OVCH1: variants seen among roughly 807,000 people sequenced by gnomAD.
The protein encoded by OVCH1 is ovochymase 1.
A neutral mutation model predicts 138.4 loss-of-function variants in OVCH1; 139 were observed. The observed-to-expected ratio is 1.00, with a 90% CI of 0.87 to 1.16. The LOEUF (loss-of-function observed/expected upper bound fraction) is 1.16. OVCH1 is among the 50% of genes most tolerant of loss of function. OVCH1 has a pLI of 0.00. For missense variants in OVCH1, 1,367 were observed against 1,357.9 expected, an observed-to-expected ratio of 1.01 and a Z score of -0.11; for synonymous variants, 453 against 467.8, an observed-to-expected ratio of 0.97 and a Z score of 0.41.
chr12:29,495,270 A>G lies in OVCH1; in HGVS notation c.454+15T>C. ...CCTCCACTGCATTTTTAATATTCTAACTCTCCATACTCACCAAACTTGACT... is the reference window on the plus strand; with the variant it reads ...CCTCCACTGCATTTTTAATATTCTAGCTCTCCATACTCACCAAACTTGACT... On this transcript the variant is annotated intron_variant, in intron 4 of 27. Transcript: ENST00000318184. 2 of 1,594,672 alleles carry G rather than the reference A, an allele frequency of 1.3e-6. No individual in the cohort carries two copies. The highest frequency in any genetic ancestry group is 1.1e-5 in the South Asian group (1 of 87,508).
intron 8 of OVCH1, among the ~76,000 whole-genome samples, chr12:29,485,907 C>T (rs75754448): frequency 0.034 from 5,113 of 150,392 alleles, 274 homozygotes; most frequent in African/African-American, 0.11. Flanking sequence ...TGCTTGCCAC[C>T]GCACTCCAGC....
intron 18 of OVCH1, among the ~76,000 whole-genome samples, chr12:29,464,198 A>G (rs1433453869): frequency 1.3e-5 from 2 of 152,230 alleles, no homozygotes; most frequent in Non-Finnish European, 2.9e-5. Context: ...ATGCTATAAC[A>G]GTAGACTTAA....
chr12:29,402,744 T>C, the OVCH1 span, among the ~76,000 whole-genome samples: 3 of 148,556 alleles, frequency 2.0e-5, no homozygotes, highest in East Asian at 2.0e-4. Flanking sequence ...GAGAGATGGA[T>C]TGAGAAGTTG....
At chr12:29,478,926 G>A in intron 8 of OVCH1, 1 of 1,539,016 alleles carries the variant, frequency 6.5e-7, no homozygotes, top group Non-Finnish European at 8.8e-7. Context: ...ATTTTATCAG[G>A]ATTATTTTAT....
At chr12:29,436,391 G>C (rs1365817547) in intron 26 of OVCH1, among the ~76,000 whole-genome samples, 2 of 151,878 alleles carry the variant, frequency 1.3e-5, no homozygotes, top group East Asian at 3.9e-4. Context: ...CATTTGACAA[G>C]TATAATCATT....
chr12:29,439,495 AAAAC>A (rs1328304173), intron 25 of OVCH1: 25 of 1,427,664 alleles, frequency 1.8e-5, no homozygotes, highest in Middle Eastern at 5.0e-4. Flanking sequence ...CAAAAAACAA[AAAAC>A]AAACTTCTCT....
chr12:29,433,850 C>A, intron 26 of OVCH1: 1 of 1,350,360 alleles, frequency 7.4e-7, no homozygotes, highest in South Asian at 1.5e-5. Flanking sequence ...GGAAATGCCT[C>A]CCAAACTGTA....
chr12:29,424,191 C>A (rs1941146297), downstream of OVCH1, among the ~76,000 whole-genome samples: 1 of 152,180 alleles, frequency 6.6e-6, no homozygotes, highest in Non-Finnish European at 1.5e-5. Flanking sequence ...TTGTAGGAAA[C>A]AAAGGGATGG....
At chr12:29,408,424 G>T (rs1281449620), downstream of OVCH1, among the ~76,000 whole-genome samples, 1 of 109,610 alleles carries the variant, frequency 9.1e-6, no homozygotes, top group Non-Finnish European at 2.2e-5. Context: ...TGCCCATTCA[G>T]TATGATATTG....
chr12:29,462,071 G>A, intron 18 of OVCH1, 63 bp from the exon 19 acceptor site: 1 of 1,538,086 alleles, frequency 6.5e-7, no homozygotes, highest in East Asian at 2.3e-5. Context: ...TGTTAGAAAT[G>A]TATTTAAGTT....
At chr12:29,449,319 ACT>A (rs1592051799) in intron 22 of OVCH1, among the ~76,000 whole-genome samples, 1 of 142,550 alleles carries the variant, frequency 7.0e-6, no homozygotes, top group African/African-American at 2.6e-5. Context: ...ACACACACAC[ACT>A]CAACCTTAAG....
At chr12:29,427,587 G>A in exon 28 of OVCH1, 4 of 1,551,466 alleles carry the variant, frequency 2.6e-6, no homozygotes, top group Non-Finnish European at 3.5e-6. Context: ...ACCAGAAAGT[G>A]AGCCCTTAGC....
chr12:29,407,896 G>A (rs1171805105), downstream of OVCH1, among the ~76,000 whole-genome samples: 2 of 150,598 alleles, frequency 1.3e-5, no homozygotes, highest in Admixed American at 6.6e-5. Flanking sequence ...ATTACCTTGG[G>A]CAGTGTGGCC....
intron 3 of OVCH1, among the ~76,000 whole-genome samples, chr12:29,422,139 G>C (rs568873311): frequency 6.6e-6 from 1 of 152,002 alleles, no homozygotes; most frequent in Admixed American, 6.6e-5. Context: ...TAGACCTTTG[G>C]GCTGTTTGTA....
chr12:29,480,575 T>C (rs183648919), intron 8 of OVCH1, among the ~76,000 whole-genome samples: 24 of 152,340 alleles, frequency 1.6e-4, no homozygotes, highest in African/African-American at 5.3e-4. Context: ...AAACTAACCA[T>C]TGATCTATTA....
chr12:29,476,392 C>T, intron 12 of OVCH1, 93 bp from the exon 13 acceptor site: 1 of 1,026,540 alleles, frequency 9.7e-7, no homozygotes, highest in Non-Finnish European at 1.5e-6. Flanking sequence ...GGCTCTTTGT[C>T]ACATCCTCAT....
chr12:29,461,957 C>T, exon 19 of OVCH1: 1 of 1,613,870 alleles, frequency 6.2e-7, no homozygotes, highest in Non-Finnish European at 8.5e-7. Context: ...ACAGACCTCT[C>T]TTTCTAACAC....
intron 7 of OVCH1, chr12:29,487,403 A>G (rs1165086115): frequency 7.8e-6 from 2 of 256,152 alleles, no homozygotes; most frequent in Non-Finnish European, 1.5e-5. Flanking sequence ...TGCCAACTGA[A>G]AAAATGAAGA....
At chr12:29,455,153 T>A (rs953341134) in intron 20 of OVCH1, 96 bp downstream of exon 20, 1 of 1,403,512 alleles carries the variant, frequency 7.1e-7, no homozygotes, top group Admixed American at 2.3e-5. Context: ...TACTCTATGG[T>A]TTTCTCTTTC....
Sources: allele counts gnomAD v4.1 joint callset (sites outside exome capture counted in the v4.1 genomes callset), GRCh38; gene constraint gnomAD v4.1.1; transcripts MANE v1.5; gene names NCBI Gene and HGNC (gene_info 2026-07-23, HGNC 2026-07-21).